VSIR: variants seen among roughly 807,000 people sequenced by gnomAD.
VSIR encodes the protein V-type immunoglobulin domain-containing suppressor of T-cell activation.
VSIR carries 10 observed loss-of-function variants against 31.0 expected under a neutral mutation model. That is an observed-to-expected ratio of 0.32 (90% confidence interval 0.20 to 0.55). The LOEUF is 0.55. Among genes scored for constraint, VSIR ranks in the 20% least tolerant of loss-of-function variants. The probability of loss-of-function intolerance (pLI) is 0.93; values close to 1 mark genes in which losing one functional copy is unlikely to be tolerated. For synonymous variants in VSIR, 179 were observed against 180.1 expected, an observed-to-expected ratio of 0.99 and a Z score of 0.05; for missense variants, 356 against 416.2, an observed-to-expected ratio of 0.86 and a Z score of 1.26.
chr10:71,767,814 G>T (rs945138574), intron 1 of VSIR, among the ~76,000 whole-genome samples: 4 of 152,230 alleles, frequency 2.6e-5, no homozygotes, highest in African/African-American at 9.6e-5. Context: ...GACCAAGGGG[G>T]CTGGGAAGGG....
intron 4 of VSIR, 106 bp downstream of exon 4, chr10:71,755,253 A>G: frequency 9.8e-7 from 1 of 1,019,796 alleles, no homozygotes; most frequent in Non-Finnish European, 1.5e-6. Flanking sequence ...TCAAATGAAA[A>G]GGAATTGTGC....
chr10:71,761,071 G>A (rs3747868), intron 2 of VSIR, 147 bp from the exon 3 acceptor site: 7 of 748,634 alleles, frequency 9.4e-6, no homozygotes, highest in African/African-American at 1.7e-5. Flanking sequence ...CTGCACACGT[G>A]TGCACCCACA....
chr10:71,766,018 AT>A (rs1840534352), intron 1 of VSIR, among the ~76,000 whole-genome samples: 1 of 152,210 alleles, frequency 6.6e-6, no homozygotes, highest in African/African-American at 2.4e-5. Flanking sequence ...ACTCGAAGGC[AT>A]GGCATGGGGG....
rs906821418 is a variant in VSIR, at chr10:71,750,905, G to A, written c.*348C>T. On this transcript the variant is annotated 3_prime_UTR_variant, in exon 7 of 7. Coordinates refer to ENST00000394957, the MANE Select transcript of VSIR (RefSeq NM_022153.2). ...GTGTCCATCTTGTCCCACTGATGCT[G>A]CCACATCCCAAGGCTCATGTCTCAG... 1.7e-5 allele frequency: 4 copies of A among 229,828 alleles called. No individual in the cohort carries two copies. Among genetic ancestry groups the A allele is most frequent in the Non-Finnish European group, 3.4e-5 (4 of 118,124 alleles). 14.2% of individuals were successfully genotyped at this position (229,828 alleles called of 1,614,324 possible).
intron 3 of VSIR, 94 bp downstream of exon 3, chr10:71,760,774 G>T: frequency 8.4e-7 from 1 of 1,193,868 alleles, no homozygotes; most frequent in Non-Finnish European, 1.3e-6. Flanking sequence ...GAGGGCTTGG[G>T]GTGATGAGGC....
Position 71,751,132 on chromosome 10 carries a change from A to G in VSIR, c.*121T>C. 1.7e-6 allele frequency: 2 copies of G among 1,186,480 alleles called. No individual in the cohort carries two copies. Among genetic ancestry groups the G allele is most frequent in the Admixed American group, 2.5e-5 (1 of 39,362 alleles). The allele number at this position is 1,186,480 out of a possible 1,614,324, so 73.5% of individuals were successfully genotyped here. A position where few individuals can be genotyped will look rare whatever the true frequency, so the allele number is the denominator to read the frequency against. On this transcript the variant is annotated 3_prime_UTR_variant, in exon 7 of 7. Coordinates refer to ENST00000394957, the MANE Select transcript of VSIR (RefSeq NM_022153.2). The surrounding 1 kb of genome is among the most constrained non-coding windows in gnomAD (Gnocchi z 4.9). ...GGCTTCTGGGATGTCACAGTATCTGAGCCCAGAGCAGGAGGGAGGGAACCA... is the reference window on the plus strand; with the variant it reads ...GGCTTCTGGGATGTCACAGTATCTGGGCCCAGAGCAGGAGGGAGGGAACCA...
chr10:71,762,141 G>A, intron 1 of VSIR, 115 bp from the exon 2 acceptor site: 1 of 1,233,990 alleles, frequency 8.1e-7, no homozygotes, highest in African/African-American at 1.5e-5. Flanking sequence ...CCAGGGGCAT[G>A]TCAGCTGACC....
At chr10:71,758,745 AG>A (rs1375307297) in intron 3 of VSIR, among the ~76,000 whole-genome samples, 1 of 152,062 alleles carries the variant, frequency 6.6e-6, no homozygotes, top group African/African-American at 2.4e-5. Flanking sequence ...GAATTCCCTG[AG>A]GCTAGGCATG....
chr10:71,760,685 G>T, intron 3 of VSIR, 183 bp downstream of exon 3: 1 of 621,832 alleles, frequency 1.6e-6, no homozygotes, highest in Non-Finnish European at 2.9e-6. Flanking sequence ...TGGAAGGAGA[G>T]TGGGCTTCTG....
rs915135516 is a variant in VSIR at position 71,748,257 on chromosome 10, C to T, written c.*2996G>A. On this transcript the variant is annotated 3_prime_UTR_variant, in exon 7 of 7. Coordinates refer to ENST00000394957, the MANE Select transcript of VSIR (RefSeq NM_022153.2). ...TGAAAAAGGCCATGTATCAGCCCCT[C>T]TGCCCTGGGCCACTGCATGTAGTGG... The T allele has an allele frequency of 6.6e-6, 1 of 152,462 alleles. No homozygotes were observed. The allele number at this position is 152,462 out of a possible 1,614,324, so 9.4% of individuals were successfully genotyped here.
Position 71,750,444 on chromosome 10 carries a change from G to C in VSIR, c.*809C>G, listed in dbSNP as rs1250128428. ...AGCAGTGGGAGTAGGGGATGGGGAG[G>C]GCGGGGGGCAGGTGCCCCTCTCCAC... On this transcript the variant is annotated 3_prime_UTR_variant, in exon 7 of 7. Coordinates refer to ENST00000394957, the MANE Select transcript of VSIR (RefSeq NM_022153.2). The C allele has an allele frequency of 6.6e-6, 1 of 152,360 alleles. No homozygotes were observed. Among genetic ancestry groups the C allele is most frequent in the African/African-American group, 2.4e-5 (1 of 41,474 alleles). The allele number at this position is 152,360 out of a possible 1,614,324, so 9.4% of individuals were successfully genotyped here.
At chr10:71,766,129 G>C (rs1431510107) in intron 1 of VSIR, among the ~76,000 whole-genome samples, 1 of 152,244 alleles carries the variant, frequency 6.6e-6, no homozygotes, top group African/African-American at 2.4e-5. Flanking sequence ...GTGCAGCCCG[G>C]CTAAAATTAC....
intron 3 of VSIR, among the ~76,000 whole-genome samples, chr10:71,759,178 C>T (rs1458284081): frequency 1.3e-5 from 2 of 151,940 alleles, no homozygotes; most frequent in East Asian, 3.9e-4. Flanking sequence ...GCTGGGACTA[C>T]AGGCGTGCAC....
intron 4 of VSIR, chr10:71,753,956 A>G (rs1319961515): frequency 2.3e-6 from 1 of 443,618 alleles, no homozygotes; most frequent in Non-Finnish European, 4.6e-6. Flanking sequence ...TGTTGGTCCC[A>G]TTTTAGAGCT....
intron 4 of VSIR, among the ~76,000 whole-genome samples, chr10:71,754,769 A>T (rs1051158487): frequency 6.6e-6 from 1 of 152,172 alleles, no homozygotes; most frequent in Non-Finnish European, 1.5e-5. Flanking sequence ...CATTTTTATT[A>T]TATGGTGGAC....
intron 4 of VSIR, 191 bp downstream of exon 4, chr10:71,755,168 C>G: frequency 2.9e-6 from 2 of 680,352 alleles, no homozygotes; most frequent in East Asian, 2.8e-5. Context: ...GCACTTGGCC[C>G]CCGGAAATGG....
chr10:71,773,153 G>A (rs1008245528), intron 1 of VSIR, among the ~76,000 whole-genome samples: 1 of 152,234 alleles, frequency 6.6e-6, no homozygotes, highest in African/African-American at 2.4e-5. Context: ...GCATGCAGAT[G>A]TGCCCGATGC....
chr10:71,761,834 A>C lies in VSIR; in HGVS notation c.275T>G (p.Leu92Arg), dbSNP rs1840396503. The C allele has an allele frequency of 4.3e-6, 7 of 1,613,856 alleles. No homozygotes were observed. The highest frequency in any genetic ancestry group is 5.9e-6 in the Non-Finnish European group (7 of 1,179,970). Residue 92 changes from leucine to arginine, a missense_variant, in exon 2 of 7, where the codon CTC becomes CGC. Coordinates refer to ENST00000394957, the MANE Select transcript of VSIR (RefSeq NM_022153.2). ...TCSERRPIRNLTFQDLHLHHG... is the reference protein window; with the variant it reads ...TCSERRPIRNRTFQDLHLHHG... ...GTGCAGGTGAAGGTCCTGGAACGTG[A>C]GGTTGCGGATGGGCCGGCGCTCTGA...
rs2132863322 is a variant in VSIR, at chr10:71,751,103, G to T, written c.*150C>A. The stretch of plus-strand genomic sequence containing the variant: ...ATGTAGCATCCAGAGGGGTTGAGGG[G>T]CTGGGCTTCTGGGATGTCACAGTAT... On this transcript the variant is annotated 3_prime_UTR_variant, in exon 7 of 7. Transcript: ENST00000394957. The surrounding 1 kb of genome is among the most constrained non-coding windows in gnomAD (Gnocchi z 4.9). The T allele has an allele frequency of 1.1e-6, 1 of 933,944 alleles. No individual in the cohort carries two copies. The highest frequency in any genetic ancestry group is 1.6e-6 in the Non-Finnish European group (1 of 627,828). The allele number at this position is 933,944 out of a possible 1,614,324, so 57.9% of individuals were successfully genotyped here.
Sources: gnomAD v4.1 joint callset for allele counts (sites outside exome capture counted in the v4.1 genomes callset) on GRCh38, gnomAD v4.1.1 for gene constraint, Gnocchi (gnomAD v3.1) non-coding constraint, MANE v1.5 for transcripts, NCBI Gene and HGNC (gene_info 2026-07-23, HGNC 2026-07-21) for gene names.